The following CLNK variants were observed in gnomAD, a reference collection of about 807,000 sequenced individuals.
The protein encoded by CLNK is cytokine dependent hematopoietic cell linker, also known as cytokine-dependent hematopoietic cell linker.
In CLNK, 74 loss-of-function variants were observed where a neutral mutation model predicts 68.6. The observed-to-expected ratio is 1.08, with a 90% CI of 0.89 to 1.31. The LOEUF (loss-of-function observed/expected upper bound fraction) is 1.31. CLNK is among the 50% of genes most tolerant of loss of function. The pLI is 0.00. For synonymous variants in CLNK, 198 were observed against 172.2 expected (o/e 1.15, Z -1.17); for missense variants, 553 against 515.3 (o/e 1.07, Z -0.71).
At chr4:10,597,392 A>G (rs1291708638) in intron 3 of CLNK, among the ~76,000 whole-genome samples, 3 of 152,202 alleles carry the variant, frequency 2.0e-5, no homozygotes, top group Non-Finnish European at 2.9e-5. Context: ...GTCTCTAGTC[A>G]GTAATTCGAT....
At chr4:10,513,092 A>G (rs543351802) in intron 16 of CLNK, among the ~76,000 whole-genome samples, 17 of 152,312 alleles carry the variant, frequency 1.1e-4, no homozygotes, top group Admixed American at 9.1e-4. Context: ...TGTGTAATAC[A>G]TGGATCTTTT....
intron 8 of CLNK, among the ~76,000 whole-genome samples, chr4:10,556,122 T>C (rs924200332): frequency 1.3e-5 from 2 of 152,230 alleles, no homozygotes; most frequent in African/African-American, 4.8e-5. Context: ...TTTGTAGTCA[T>C]GGGACCCATA....
intron 2 of CLNK, among the ~76,000 whole-genome samples, chr4:10,605,297 G>A (rs1721744304): frequency 6.6e-6 from 1 of 152,098 alleles, no homozygotes; most frequent in Admixed American, 6.5e-5. Flanking sequence ...ACGGGAATGT[G>A]TTCTGGGAAG....
At chr4:10,531,906 C>A in intron 12 of CLNK, 1 of 489,540 alleles carries the variant, frequency 2.0e-6, no homozygotes, top group South Asian at 1.7e-5. Context: ...TTATGAAGGA[C>A]AAATAGCAAA....
At chr4:10,648,220 C>G (rs564272469) in intron 2 of CLNK, among the ~76,000 whole-genome samples, 1 of 152,282 alleles carries the variant, frequency 6.6e-6, no homozygotes, top group Admixed American at 6.5e-5. Flanking sequence ...TTCCCATGTA[C>G]TATCTCAAGT....
At position 10,535,523 on chromosome 4, in the gene CLNK, G is replaced by A. The variant is rs10461083; in HGVS notation, c.603-3240C>T. Among the ~76,000 whole-genome samples the A allele has an allele frequency of 5.3e-5, 8 of 152,144 alleles. No homozygotes were observed. The South Asian group carries it at 6.2e-4, about 12-fold the overall frequency. On this transcript the variant is annotated intron_variant, in intron 11 of 18. Coordinates refer to ENST00000226951, the MANE Select transcript of CLNK (RefSeq NM_052964.4). Reference sequence around the variant, plus strand: ...CAAACCGGGCCTGGTGTGTAGTTACGACTCAGAAAATGTTGTTGATTACTC... The same window carrying A: ...CAAACCGGGCCTGGTGTGTAGTTACAACTCAGAAAATGTTGTTGATTACTC...
At chr4:10,584,041 T>C (rs1257207640) in intron 4 of CLNK, among the ~76,000 whole-genome samples, 1 of 152,174 alleles carries the variant, frequency 6.6e-6, no homozygotes. Context: ...CACAATTTGG[T>C]ATCATCTACC....
At chr4:10,605,611 TA>T (rs942242984) in intron 2 of CLNK, among the ~76,000 whole-genome samples, 2 of 151,990 alleles carry the variant, frequency 1.3e-5, no homozygotes, top group Non-Finnish European at 2.9e-5. Flanking sequence ...GGGTAGATCA[TA>T]AGGTCAGGAG....
At chr4:10,491,969 A>T (rs1440905622) in intron 18 of CLNK, among the ~76,000 whole-genome samples, 1 of 152,104 alleles carries the variant, frequency 6.6e-6, no homozygotes, top group Non-Finnish European at 1.5e-5. Flanking sequence ...CATTCTGCAT[A>T]CACAGTAATT....
At chr4:10,665,478 A>T (rs1368667244) in intron 2 of CLNK, among the ~76,000 whole-genome samples, 2 of 152,100 alleles carry the variant, frequency 1.3e-5, no homozygotes, top group African/African-American at 2.4e-5. Flanking sequence ...ATCCTGGCTA[A>T]CATGGTGAAA....
In CLNK at chr4:10,590,864, T is replaced by C. The variant is rs571530496; in HGVS notation, c.84-5909A>G. On this transcript the variant is annotated intron_variant, in intron 3 of 18. Transcript: ENST00000226951. Reference sequence around the variant, plus strand: ...TTCACTCAAACCTCATAGCAATTCTTGGTGGAAAGCATCTTTATCTCAATT... The same window carrying C: ...TTCACTCAAACCTCATAGCAATTCTCGGTGGAAAGCATCTTTATCTCAATT... Among the ~76,000 whole-genome samples, 10 of 152,246 alleles carry C rather than the reference T, an allele frequency of 6.6e-5. No homozygotes were observed. The South Asian group carries it at 2.1e-3, about 32-fold the overall frequency.
At chr4:10,667,454 G>C (rs57307788) in intron 2 of CLNK, among the ~76,000 whole-genome samples, 1 of 145,514 alleles carries the variant, frequency 6.9e-6, no homozygotes, top group African/African-American at 2.6e-5. Context: ...CGGTGTCTCA[G>C]ACTGACCACA....
intron 2 of CLNK, among the ~76,000 whole-genome samples, chr4:10,616,924 T>C (rs554239395): frequency 2.2e-4 from 33 of 151,856 alleles, no homozygotes; most frequent in African/African-American, 7.7e-4. Context: ...ATAATGTCTG[T>C]GGTAGAACGA....
intron 1 of CLNK, among the ~76,000 whole-genome samples, chr4:10,679,242 C>T (rs1333864800): frequency 3.3e-5 from 5 of 152,106 alleles, no homozygotes; most frequent in Admixed American, 3.3e-4. Flanking sequence ...CTTTGACAAA[C>T]CTGACAAAAA....
chr4:10,535,809 CT>C (rs1718739048), intron 11 of CLNK, among the ~76,000 whole-genome samples: 1 of 151,986 alleles, frequency 6.6e-6, no homozygotes, highest in Non-Finnish European at 1.5e-5. Context: ...AATTATATGT[CT>C]TTCTTTTAAG....
chr4:10,659,406 G>A (rs1724105429), intron 2 of CLNK, among the ~76,000 whole-genome samples: 1 of 152,158 alleles, frequency 6.6e-6, no homozygotes, highest in Admixed American at 6.5e-5. Flanking sequence ...ATTTAATAAA[G>A]AAAATGAGAC....
intron 2 of CLNK, chr4:10,635,646 T>A (rs985951216): frequency 2.0e-5 from 3 of 152,220 alleles, no homozygotes; most frequent in Admixed American, 2.0e-4. Context: ...TTGCTCTGTA[T>A]GAATCTAGAT....
At chr4:10,574,654 C>T (rs1720485338) in intron 4 of CLNK, among the ~76,000 whole-genome samples, 1 of 152,152 alleles carries the variant, frequency 6.6e-6, no homozygotes, top group Non-Finnish European at 1.5e-5. Flanking sequence ...CTCATATTGT[C>T]TTATGCCCAA....
At chr4:10,551,532 G>T (rs1719456852) in intron 8 of CLNK, among the ~76,000 whole-genome samples, 1 of 152,050 alleles carries the variant, frequency 6.6e-6, no homozygotes, top group South Asian at 2.1e-4. Context: ...GCCTCCAAAA[G>T]TGCTGGGGTT....
Sources: gnomAD v4.1 joint callset for allele counts (sites outside exome capture counted in the v4.1 genomes callset) on GRCh38, gnomAD v4.1.1 for gene constraint, MANE v1.5 for transcripts, NCBI Gene and HGNC (gene_info 2026-07-23, HGNC 2026-07-21) for gene names.